Variants in COP1 observed in about 807,000 individuals in gnomAD.
COP1 encodes the protein E3 ubiquitin-protein ligase COP1.
A neutral mutation model predicts 101.3 loss-of-function variants in COP1; 24 were observed. The ratio of observed to expected loss-of-function variants is 0.24; its 90% CI spans 0.17 to 0.33. The LOEUF is 0.33. Ranked by LOEUF, COP1 falls within the 10% of genes least tolerant of loss-of-function variation. The pLI, the probability that COP1 is intolerant of heterozygous loss-of-function variation, is 1.00. For missense variants in COP1, 663 were observed against 906.2 expected (o/e 0.73, Z 3.45); for synonymous variants, 347 against 341.9 (o/e 1.01, Z -0.17).
intron 18 of COP1, among the ~76,000 whole-genome samples, chr1:175,962,934 T>C (rs1450113891): frequency 6.6e-6 from 1 of 152,244 alleles, no homozygotes; most frequent in African/African-American, 2.4e-5. Context: ...TCAAGATTTA[T>C]TGTTTGAAGT....
chr1:175,964,083 A>G (rs1483089815), intron 18 of COP1, among the ~76,000 whole-genome samples: 1 of 152,202 alleles, frequency 6.6e-6, no homozygotes, highest in Non-Finnish European at 1.5e-5. Context: ...TCAGAATATT[A>G]CATGCAAGAT....
rs1042224005 is a variant in COP1, at chr1:176,119,113, T to C, written c.969-2432A>G. Among the ~76,000 whole-genome samples the C allele has an allele frequency of 5.3e-5, 8 of 152,220 alleles. No homozygotes were observed. In the East Asian group the frequency reaches 1.3e-3, roughly 26 times the overall value. On this transcript the variant is annotated intron_variant, in intron 8 of 19. Transcript: ENST00000367669. ...ATTCTGATAAAATGTAACCATTACT[T>C]GCCTTTCCTATAGAGTTACACACTG...
chr1:176,115,605 T>C (rs1231894738), intron 9 of COP1, among the ~76,000 whole-genome samples: 1 of 151,354 alleles, frequency 6.6e-6, no homozygotes, highest in Non-Finnish European at 1.5e-5. Flanking sequence ...AAAAATTAGC[T>C]GGGCGTGGTG....
intron 11 of COP1, among the ~76,000 whole-genome samples, chr1:176,049,544 G>C (rs1355308235): frequency 6.6e-6 from 1 of 151,862 alleles, no homozygotes; most frequent in Non-Finnish European, 1.5e-5. Flanking sequence ...AGAAAATTTT[G>C]ATTAAAAGGG....
Position 176,207,001 on chromosome 1 carries a change from G to A in COP1, c.-23C>T. On this transcript the variant is annotated 5_prime_UTR_variant, in exon 1 of 20. Coordinates refer to ENST00000367669, the MANE Select transcript of COP1 (RefSeq NM_022457.7). The stretch of plus-strand genomic sequence containing the variant: ...CATCGTGACTCCCTCCCCTCCAGCC[G>A]GGCGCTCGGAGGAGAGGGACCGCGA... 2 of 1,368,440 alleles carry A rather than the reference G, an allele frequency of 1.5e-6. No individual in the cohort carries two copies. Among genetic ancestry groups the A allele is most frequent in the Non-Finnish European group, 1.9e-6 (2 of 1,063,530 alleles). 84.8% of individuals were successfully genotyped at this position (1,368,440 alleles called of 1,614,324 possible). A position where few individuals can be genotyped will look rare whatever the true frequency, so the allele number is the denominator to read the frequency against.
At chr1:175,955,146 T>C (rs1374567636) in intron 18 of COP1, among the ~76,000 whole-genome samples, 2 of 151,928 alleles carry the variant, frequency 1.3e-5, no homozygotes, top group South Asian at 2.1e-4. Context: ...ACCCAGAAGG[T>C]TGAGGTGGGA....
intron 11 of COP1, among the ~76,000 whole-genome samples, chr1:176,057,425 A>T (rs1673757065): frequency 6.6e-6 from 1 of 152,070 alleles, no homozygotes; most frequent in Non-Finnish European, 1.5e-5. Flanking sequence ...GGCTCACTGC[A>T]ACCCCCCTGC....
At chr1:176,122,557 G>A (rs1687314158) in intron 8 of COP1, among the ~76,000 whole-genome samples, 1 of 152,096 alleles carries the variant, frequency 6.6e-6, no homozygotes, top group Non-Finnish European at 1.5e-5. Context: ...AGACATAGGG[G>A]TAATTTATTC....
chr1:176,182,489 A>G (rs190304240), intron 2 of COP1, among the ~76,000 whole-genome samples: 42 of 152,368 alleles, frequency 2.8e-4, no homozygotes, highest in East Asian at 1.9e-3. Context: ...CAGGGGTGGT[A>G]CTGGGTAGGG....
At chr1:176,077,165 C>CA (rs1416003555) in intron 11 of COP1, among the ~76,000 whole-genome samples, 2 of 152,030 alleles carry the variant, frequency 1.3e-5, no homozygotes, top group Non-Finnish European at 2.9e-5. Flanking sequence ...GGCAGAGACA[C>CA]AATGATAAAA....
chr1:176,151,144 G>C lies in COP1; in HGVS notation c.763-2070C>G, dbSNP rs186975009. 1.9e-3 allele frequency among the ~76,000 whole-genome samples: 294 copies of C among 151,732 alleles called. 1 individual carries two copies. Among genetic ancestry groups the C allele is most frequent in the African/African-American group, 6.7e-3 (277 of 41,376 alleles). ...AATTCTCTAAACATCTCTTACAATC[G>C]TCAAAACTTCCAAAAAACATGTAAT... is the stretch of plus-strand genomic sequence containing the variant. On this transcript the variant is annotated intron_variant, in intron 5 of 19. Coordinates refer to ENST00000367669, the MANE Select transcript of COP1 (RefSeq NM_022457.7).
At chr1:176,139,869 T>C (rs2502847) in intron 6 of COP1, among the ~76,000 whole-genome samples, 37,796 of 152,014 alleles carry the variant, frequency 0.25, 6,654 homozygotes, top group African/African-American at 0.5. Flanking sequence ...TTCTGAGTGA[T>C]GGGGTCAATC....
intron 18 of COP1, among the ~76,000 whole-genome samples, chr1:175,982,585 T>C (rs775254181): frequency 4.2e-4 from 64 of 152,194 alleles, no homozygotes; most frequent in Non-Finnish European, 7.9e-4. Context: ...ATTGGTAAGA[T>C]TTTCAGTCAA....
At chr1:176,084,771 T>C (rs924727529) in intron 10 of COP1, among the ~76,000 whole-genome samples, 3 of 152,296 alleles carry the variant, frequency 2.0e-5, no homozygotes, top group African/African-American at 4.8e-5. Flanking sequence ...CTAAGCAATA[T>C]GTAGATTATA....
chr1:176,113,238 T>C (rs1209977975), intron 9 of COP1, among the ~76,000 whole-genome samples: 1 of 152,214 alleles, frequency 6.6e-6, no homozygotes, highest in Admixed American at 6.5e-5. Flanking sequence ...GATAATACCA[T>C]TCTAACTATG....
chr1:176,162,301 TTATAA>T lies in COP1; in HGVS notation c.762+563_762+567del, dbSNP rs137931910. On this transcript the variant is annotated intron_variant, in intron 5 of 19. Coordinates refer to ENST00000367669, the MANE Select transcript of COP1 (RefSeq NM_022457.7). ...TTGCTTATGCTAAGGTGTGTGTTGCTTATAATATATCACACTCAATTCCCAATACT... is the reference window on the plus strand; with the variant it reads ...TTGCTTATGCTAAGGTGTGTGTTGCTTATATCACACTCAATTCCCAATACT... 5.5e-3 allele frequency among the ~76,000 whole-genome samples: 837 copies of T among 152,340 alleles called. 10 individuals are homozygous for T. Among genetic ancestry groups the T allele is most frequent in the African/African-American group, 0.019 (794 of 41,584 alleles).
At position 176,207,265 on chromosome 1, in the gene COP1, G is replaced by GGCCGT; in HGVS notation, c.-292_-288dup. On this transcript the variant is annotated 5_prime_UTR_variant, in exon 1 of 20. Coordinates refer to ENST00000367669, the MANE Select transcript of COP1 (RefSeq NM_022457.7). The stretch of plus-strand genomic sequence containing the variant: ...CAGCCAACCCCGGCGCGCCGTGGCC[G>GGCCGT]GCCGTGCGCGCGCGCGCGAGCGGCG... 1 of 389,668 alleles carries GGCCGT rather than the reference G, an allele frequency of 2.6e-6. No individual in the cohort carries two copies. The highest frequency in any genetic ancestry group is 2.1e-5 in the African/African-American group (1 of 47,998). The allele number at this position is 389,668 out of a possible 1,614,324, so 24.1% of individuals were successfully genotyped here.
Position 176,118,501 on chromosome 1 carries a change from G to A in COP1, c.969-1820C>T, listed in dbSNP as rs890820587. On this transcript the variant is annotated intron_variant, in intron 8 of 19. Coordinates refer to ENST00000367669, the MANE Select transcript of COP1 (RefSeq NM_022457.7). ...GAAGAGGCCAGGCATGGTGGCTCATGCTTATAATCCTAGCACTTTGGGAGG... is the reference window on the plus strand; with the variant it reads ...GAAGAGGCCAGGCATGGTGGCTCATACTTATAATCCTAGCACTTTGGGAGG... Among the ~76,000 whole-genome samples the A allele has an allele frequency of 3.3e-5, 5 of 152,262 alleles. No individual in the cohort carries two copies. In the East Asian group the frequency reaches 9.6e-4, roughly 29 times the overall value.
chr1:176,106,173 G>C (rs180969749), intron 9 of COP1, among the ~76,000 whole-genome samples: 1 of 152,228 alleles, frequency 6.6e-6, no homozygotes, highest in East Asian at 1.9e-4. Flanking sequence ...TGGGATTACA[G>C]GCATACATCA....
Sources: allele counts gnomAD v4.1 joint callset (sites outside exome capture counted in the v4.1 genomes callset), GRCh38; gene constraint gnomAD v4.1.1; transcripts MANE v1.5; gene names NCBI Gene and HGNC (gene_info 2026-07-23, HGNC 2026-07-21).